SGCD: variants seen among roughly 807,000 people sequenced by gnomAD.
SGCD encodes the protein sarcoglycan delta.
SGCD carries 18 observed loss-of-function variants against 36.6 expected under a neutral mutation model. The observed-to-expected ratio is 0.49, with a 90% CI of 0.34 to 0.73. The LOEUF is 0.73. Among genes scored for constraint, SGCD ranks in the 30% least tolerant of loss-of-function variants. The probability of loss-of-function intolerance (pLI) is 0.01; values close to 1 mark genes in which losing one functional copy is unlikely to be tolerated. For synonymous variants in SGCD, 133 were observed against 130.6 expected, an observed-to-expected ratio of 1.02 and a Z score of -0.12; for missense variants, 387 against 346.7, an observed-to-expected ratio of 1.12 and a Z score of -0.92.
intron 1 of SGCD, among the ~76,000 whole-genome samples, chr5:155,940,719 C>T (rs1322444829): frequency 3.3e-5 from 5 of 152,020 alleles, no homozygotes; most frequent in Admixed American, 6.6e-5. Context: ...GTGGCACATG[C>T]CTGTAATCCT....
chr5:156,681,229 G>A (rs1753709598), intron 7 of SGCD, among the ~76,000 whole-genome samples: 1 of 152,200 alleles, frequency 6.6e-6, no homozygotes, highest in Non-Finnish European at 1.5e-5. Flanking sequence ...ACTTTACTGA[G>A]CGGTAGTGGC....
intron 1 of SGCD, among the ~76,000 whole-genome samples, chr5:155,920,897 G>A (rs1756862841): frequency 6.6e-6 from 1 of 152,124 alleles, no homozygotes; most frequent in African/African-American, 2.4e-5. Flanking sequence ...CGCTACTCTG[G>A]TAAGTGAAGC....
chr5:156,588,870 C>G (rs890313942), intron 4 of SGCD, among the ~76,000 whole-genome samples: 2 of 152,158 alleles, frequency 1.3e-5, no homozygotes, highest in Non-Finnish European at 2.9e-5. Context: ...GATTATCATT[C>G]ATTTCTGATC....
chr5:156,188,648 T>C (rs1763817935), intron 3 of SGCD, among the ~76,000 whole-genome samples: 1 of 144,852 alleles, frequency 6.9e-6, no homozygotes, highest in Admixed American at 7.1e-5. Flanking sequence ...AGCCTCAGTG[T>C]CTCTCTGACC....
At chr5:156,157,336 A>G (rs561213216) in intron 3 of SGCD, among the ~76,000 whole-genome samples, 2 of 151,846 alleles carry the variant, frequency 1.3e-5, no homozygotes, top group Non-Finnish European at 2.9e-5. Flanking sequence ...GAGAAAACTA[A>G]CTCTCAAATT....
intron 3 of SGCD, among the ~76,000 whole-genome samples, chr5:156,422,839 T>A (rs1333091700): frequency 6.6e-6 from 1 of 151,950 alleles, no homozygotes; most frequent in Admixed American, 6.6e-5. Context: ...GGGCAGTTGT[T>A]CCCTTGTCCC....
intron 3 of SGCD, among the ~76,000 whole-genome samples, chr5:156,499,832 GA>G (rs1051098876): frequency 3.3e-5 from 5 of 152,224 alleles, no homozygotes; most frequent in Middle Eastern, 3.4e-3. Flanking sequence ...GAGCTACGAA[GA>G]AGATGGTTCA....
the SGCD span, among the ~76,000 whole-genome samples, chr5:155,746,990 G>A: frequency 6.6e-6 from 1 of 152,128 alleles, no homozygotes. Flanking sequence ...TATCCAGCAT[G>A]AATGTTTTGG....
chr5:156,392,864 C>T lies in SGCD; in HGVS notation c.192+48187C>T, dbSNP rs111477437. Reference sequence around the variant, plus strand: ...CATGCTGGTGCCTGTCAGTGCATTCCTCTCGACATCCAGCCACCCATGTGC... The same window carrying T: ...CATGCTGGTGCCTGTCAGTGCATTCTTCTCGACATCCAGCCACCCATGTGC... On this transcript the variant is annotated intron_variant, in intron 3 of 8. Transcript: ENST00000337851. Among the ~76,000 whole-genome samples the T allele has an allele frequency of 3.3e-5, 5 of 152,292 alleles. 1 individual carries two copies. Among genetic ancestry groups the T allele is most frequent in the African/African-American group, 1.2e-4 (5 of 41,564 alleles).
At chr5:155,794,301 T>G in the SGCD span, among the ~76,000 whole-genome samples, 1 of 152,114 alleles carries the variant, frequency 6.6e-6, no homozygotes, top group Non-Finnish European at 1.5e-5. Flanking sequence ...TATTTGATAT[T>G]AAGTATTACT....
At chr5:156,429,987 C>G (rs1773861553) in intron 3 of SGCD, among the ~76,000 whole-genome samples, 1 of 152,082 alleles carries the variant, frequency 6.6e-6, no homozygotes, top group African/African-American at 2.4e-5. Context: ...CTTTAGATAG[C>G]CCAGTGACTA....
chr5:156,506,678 T>G (rs1328519879), intron 3 of SGCD, among the ~76,000 whole-genome samples: 1 of 152,102 alleles, frequency 6.6e-6, no homozygotes, highest in Non-Finnish European at 1.5e-5. Flanking sequence ...GGGATAATAA[T>G]TGGGCTAGAA....
intron 4 of SGCD, among the ~76,000 whole-genome samples, chr5:156,538,384 A>T (rs1334492560): frequency 3.3e-5 from 5 of 152,090 alleles, no homozygotes; most frequent in South Asian, 4.1e-4. Flanking sequence ...TTGAAAATGT[A>T]GGTCAAGAAT....
At chr5:156,036,656 A>G (rs138788890) in intron 1 of SGCD, among the ~76,000 whole-genome samples, 342 of 152,184 alleles carry the variant, frequency 2.2e-3, no homozygotes, top group African/African-American at 7.6e-3. Context: ...TTCTTGCTTC[A>G]TGGGTTATTT....
chr5:156,347,225 T>C (rs896500065), intron 3 of SGCD, among the ~76,000 whole-genome samples: 2 of 152,188 alleles, frequency 1.3e-5, no homozygotes, highest in Non-Finnish European at 2.9e-5. Context: ...GAAAGTTTGT[T>C]AGAGCTGAGG....
intron 7 of SGCD, among the ~76,000 whole-genome samples, chr5:156,681,568 T>TA (rs1473760252): frequency 6.6e-6 from 1 of 152,156 alleles, no homozygotes; most frequent in Non-Finnish European, 1.5e-5. Flanking sequence ...GCTGGGAGAA[T>TA]AGCCCTTCTG....
chr5:156,246,364 A>G (rs1765438909), intron 3 of SGCD, among the ~76,000 whole-genome samples: 1 of 152,146 alleles, frequency 6.6e-6, no homozygotes, highest in Admixed American at 6.5e-5. Flanking sequence ...AGAGAAAAGG[A>G]TGCTTAAAAC....
At chr5:155,961,065 CT>C (rs1345084100) in intron 1 of SGCD, among the ~76,000 whole-genome samples, 2 of 151,970 alleles carry the variant, frequency 1.3e-5, no homozygotes, top group African/African-American at 4.8e-5. Flanking sequence ...TTTGTTACAA[CT>C]TTTTTTTCTC....
intron 1 of SGCD, among the ~76,000 whole-genome samples, chr5:155,932,917 A>G (rs533853370): frequency 1.3e-5 from 2 of 151,878 alleles, no homozygotes; most frequent in Non-Finnish European, 2.9e-5. Flanking sequence ...TTTCCTTGTC[A>G]TCCATCATAT....
Sources: allele counts gnomAD v4.1 joint callset (sites outside exome capture counted in the v4.1 genomes callset), GRCh38; gene constraint gnomAD v4.1.1; transcripts MANE v1.5; gene names NCBI Gene and HGNC (gene_info 2026-07-23, HGNC 2026-07-21).